The following BMP5 variants were observed in gnomAD, a reference collection of about 807,000 sequenced individuals.
The protein encoded by BMP5 is bone morphogenetic protein 5.
A neutral mutation model predicts 46.6 loss-of-function variants in BMP5; 23 were observed. The observed-to-expected ratio is 0.49, with a 90% CI of 0.35 to 0.70. The LOEUF is 0.70. Among genes scored for constraint, BMP5 ranks in the 30% least tolerant of loss-of-function variants. The pLI, the probability that BMP5 is intolerant of heterozygous loss-of-function variation, is 0.00. For synonymous variants in BMP5, 204 were observed against 191.9 expected (o/e 1.06, Z -0.52); for missense variants, 545 against 565.6 (o/e 0.96, Z 0.37).
intron 4 of BMP5, among the ~76,000 whole-genome samples, chr6:55,764,523 G>A (rs1774871574): frequency 6.8e-6 from 1 of 147,698 alleles, no homozygotes; most frequent in East Asian, 2.0e-4. Context: ...CAGTGAGCGA[G>A]ATGGTGCCAC....
At chr6:55,844,091 C>T (rs1777037219) in intron 1 of BMP5, among the ~76,000 whole-genome samples, 2 of 151,904 alleles carry the variant, frequency 1.3e-5, no homozygotes, top group Admixed American at 6.6e-5. Context: ...AAACTTTCCA[C>T]CCACCCTTTC....
In BMP5 at chr6:55,777,728, TA is replaced by T. The variant is rs756012920; in HGVS notation, c.833-3486del. ...TTAAGAAAAAGATGAGCTGCAGTGA[TA>T]TTTTTTTAAGTCTATAACTCAGAGT... On this transcript the variant is annotated intron_variant, in intron 3 of 6. Coordinates refer to ENST00000370830, the MANE Select transcript of BMP5 (RefSeq NM_021073.4). Among the ~76,000 whole-genome samples the T allele has an allele frequency of 2.0e-4, 30 of 152,108 alleles. No individual in the cohort carries two copies. The South Asian group carries it at 2.7e-3, about 14-fold the overall frequency.
chr6:55,800,428 A>G (rs1775819101), intron 2 of BMP5, among the ~76,000 whole-genome samples: 1 of 152,244 alleles, frequency 6.6e-6, no homozygotes, highest in African/African-American at 2.4e-5. Context: ...AATCAAGTGT[A>G]TAAACATTCA....
At chr6:55,820,196 C>T (rs931156652) in intron 1 of BMP5, among the ~76,000 whole-genome samples, 4 of 152,076 alleles carry the variant, frequency 2.6e-5, no homozygotes, top group Non-Finnish European at 4.4e-5. Flanking sequence ...GAATATGTTA[C>T]CGTAACCTCC....
intron 1 of BMP5, among the ~76,000 whole-genome samples, chr6:55,850,853 C>T (rs1289124629): frequency 6.6e-6 from 1 of 152,166 alleles, no homozygotes; most frequent in Non-Finnish European, 1.5e-5. Flanking sequence ...CTCCAAACCT[C>T]AATTTCCTCA....
At chr6:55,834,387 G>A (rs577124353) in intron 1 of BMP5, among the ~76,000 whole-genome samples, 63 of 152,048 alleles carry the variant, frequency 4.1e-4, no homozygotes, top group African/African-American at 1.4e-3. Context: ...ATCTGCATTC[G>A]ATTGATAAGC....
At chr6:55,761,707 G>A (rs1166987041) in intron 4 of BMP5, among the ~76,000 whole-genome samples, 1 of 151,970 alleles carries the variant, frequency 6.6e-6, no homozygotes, top group Non-Finnish European at 1.5e-5. Flanking sequence ...CTCTCACCCT[G>A]ATACACCTGA....
intron 2 of BMP5, among the ~76,000 whole-genome samples, chr6:55,800,456 G>T (rs1775820299): frequency 6.6e-6 from 1 of 151,982 alleles, no homozygotes; most frequent in South Asian, 2.1e-4. Context: ...GCTCTAATTT[G>T]TTTGATCTTT....
intron 3 of BMP5, among the ~76,000 whole-genome samples, chr6:55,793,710 C>A (rs149100837): frequency 6.6e-6 from 1 of 152,148 alleles, no homozygotes; most frequent in Non-Finnish European, 1.5e-5. Flanking sequence ...TCAAACATTG[C>A]AATATGTAAA....
intron 1 of BMP5, among the ~76,000 whole-genome samples, chr6:55,855,342 GCCACTGCATT>G (rs1277110372): frequency 6.6e-6 from 1 of 151,542 alleles, no homozygotes; most frequent in Non-Finnish European, 1.5e-5. Flanking sequence ...TTAGGATGGT[GCCACTGCATT>G]CCAGCCTAGG....
intron 4 of BMP5, among the ~76,000 whole-genome samples, chr6:55,764,777 A>G (rs1774882965): frequency 6.6e-6 from 1 of 152,016 alleles, no homozygotes; most frequent in African/African-American, 2.4e-5. Context: ...TGGTTACCAA[A>G]AGCTGGGAAT....
Position 55,875,031 on chromosome 6 carries a change from T to A in BMP5, c.-166A>T. The A allele has an allele frequency of 1.4e-6, 1 of 735,436 alleles. No homozygotes were observed. Among genetic ancestry groups the A allele is most frequent in the Non-Finnish European group, 2.2e-6 (1 of 456,334 alleles). 45.6% of individuals were successfully genotyped at this position (735,436 alleles called of 1,614,324 possible). A position where few individuals can be genotyped will look rare whatever the true frequency, so the allele number is the denominator to read the frequency against. On this transcript the variant is annotated 5_prime_UTR_variant, in exon 1 of 7. Coordinates refer to ENST00000370830, the MANE Select transcript of BMP5 (RefSeq NM_021073.4). ...AGCACAACATCCTCACCGATTTTCCTGTCCTATTTTAAATATTTTGGAATA... is the reference window on the plus strand; with the variant it reads ...AGCACAACATCCTCACCGATTTTCCAGTCCTATTTTAAATATTTTGGAATA...
chr6:55,763,300 ATC>A (rs986990302), intron 4 of BMP5, among the ~76,000 whole-genome samples: 2 of 152,120 alleles, frequency 1.3e-5, no homozygotes, highest in African/African-American at 2.4e-5. Context: ...GTCAAAATAT[ATC>A]TGTTCCATAT....
intron 2 of BMP5, among the ~76,000 whole-genome samples, chr6:55,797,025 C>T (rs906749224): frequency 6.6e-6 from 1 of 152,180 alleles, no homozygotes; most frequent in African/African-American, 2.4e-5. Flanking sequence ...TATTTAATTT[C>T]TCCTTTCTCC....
At chr6:55,804,929 GATGT>G (rs2127532904) in intron 2 of BMP5, among the ~76,000 whole-genome samples, 1 of 152,280 alleles carries the variant, frequency 6.6e-6, no homozygotes, top group East Asian at 1.9e-4. Flanking sequence ...TGTAAGAAGA[GATGT>G]ATGTACAGTA....
chr6:55,787,639 G>GT (rs1368364388), intron 3 of BMP5, among the ~76,000 whole-genome samples: 2 of 151,566 alleles, frequency 1.3e-5, no homozygotes, highest in African/African-American at 2.4e-5. Context: ...TAACATAGCT[G>GT]TAACAGTTGT....
intron 3 of BMP5, among the ~76,000 whole-genome samples, chr6:55,787,625 T>C (rs1040717825): frequency 6.6e-5 from 10 of 151,648 alleles, no homozygotes; most frequent in Admixed American, 6.6e-4. Context: ...ATCCTGTTCT[T>C]TGTTAACATA....
At chr6:55,791,320 C>T (rs537252056) in intron 3 of BMP5, among the ~76,000 whole-genome samples, 3 of 152,292 alleles carry the variant, frequency 2.0e-5, no homozygotes, top group Non-Finnish European at 4.4e-5. Flanking sequence ...ATCTCTTCCA[C>T]CTCTGGTTAA....
At chr6:55,761,083 G>T (rs1774764351) in intron 4 of BMP5, among the ~76,000 whole-genome samples, 1 of 151,850 alleles carries the variant, frequency 6.6e-6, no homozygotes, top group Non-Finnish European at 1.5e-5. Flanking sequence ...AATGGTAGTT[G>T]CCTGGGTTAA....
Sources: allele counts gnomAD v4.1 joint callset (sites outside exome capture counted in the v4.1 genomes callset), GRCh38; gene constraint gnomAD v4.1.1; transcripts MANE v1.5; gene names NCBI Gene and HGNC (gene_info 2026-07-23, HGNC 2026-07-21).